The following ANKRD62 variants were observed in gnomAD, a reference collection of about 807,000 sequenced individuals.
ANKRD62 encodes ankyrin repeat domain-containing protein 62.
A neutral mutation model predicts 98.8 loss-of-function variants in ANKRD62; 61 were observed. The observed-to-expected ratio is 0.62, with a 90% confidence interval of 0.50 to 0.76. ANKRD62 has a LOEUF of 0.76. ANKRD62 is among the 30% of genes least tolerant of loss of function. ANKRD62 has a pLI of 0.00. For missense variants in ANKRD62, 933 were observed against 1,082.9 expected (o/e 0.86, Z 1.94); for synonymous variants, 341 against 367.9 (o/e 0.93, Z 0.84).
At position 12,094,073 on chromosome 18, in the gene ANKRD62, G is replaced by A. The variant is rs1909110123; in HGVS notation, c.56G>A (p.Arg19Lys). 2.0e-6 allele frequency: 3 copies of A among 1,535,116 alleles called. No homozygotes were observed. Among genetic ancestry groups the A allele is most frequent in the Admixed American group, 2.0e-5 (1 of 50,930 alleles). The change falls in exon 1 of 14, where the codon AGG becomes AAG. Residue 19 changes from arginine to lysine, a missense_variant. Arg to Lys is a conservative substitution (Grantham distance 26). Transcript: ENST00000587848. The stretch of plus-strand genomic sequence containing the variant: ...TGCAGGAGACGCATGGCTACCTGGA[G>A]GAAGAATCGTGACAAGGATGGCTTC... The part of the protein sequence containing the change: ...AACRRRMATW[R>K]KNRDKDGFSN...
At chr18:12,159,939 TTTAA>T in the ANKRD62 span, among the ~76,000 whole-genome samples, 1 of 152,182 alleles carries the variant, frequency 6.6e-6, no homozygotes, top group African/African-American at 2.4e-5. Context: ...CTCTTTAGGT[TTTAA>T]TTATTTTTAA....
the ANKRD62 span, among the ~76,000 whole-genome samples, chr18:12,151,220 T>C: frequency 6.6e-6 from 1 of 152,232 alleles, no homozygotes; most frequent in African/African-American, 2.4e-5. Flanking sequence ...AAGTGTTGAA[T>C]TCAACAAGAA....
At chr18:12,104,532 C>T (rs550735869) in intron 7 of ANKRD62, among the ~76,000 whole-genome samples, 14 of 152,016 alleles carry the variant, frequency 9.2e-5, no homozygotes, top group African/African-American at 2.7e-4. Flanking sequence ...ATGAGGAAAA[C>T]GTGGATCAAA....
At chr18:12,125,190 T>A (rs1385533542) in intron 12 of ANKRD62, among the ~76,000 whole-genome samples, 1 of 151,982 alleles carries the variant, frequency 6.6e-6, no homozygotes, top group Non-Finnish European at 1.5e-5. Context: ...AGCCTTCTTT[T>A]AAAAAAAATT....
chr18:12,153,767 T>C, the ANKRD62 span, among the ~76,000 whole-genome samples: 5 of 151,734 alleles, frequency 3.3e-5, no homozygotes, highest in Admixed American at 3.3e-4. Context: ...ACATATATAC[T>C]AAGGGAACTG....
chr18:12,137,490 G>A, the ANKRD62 span, among the ~76,000 whole-genome samples: 6 of 152,190 alleles, frequency 3.9e-5, no homozygotes, highest in Non-Finnish European at 7.3e-5. Context: ...GTTCATCAAG[G>A]ATATTGGTCT....
chr18:12,166,674 G>T, the ANKRD62 span, among the ~76,000 whole-genome samples: 4 of 151,870 alleles, frequency 2.6e-5, no homozygotes, highest in African/African-American at 9.7e-5. Context: ...TTTCCTAAAT[G>T]GTCTTGATAC....
chr18:12,139,780 T>C, the ANKRD62 span, among the ~76,000 whole-genome samples: 1 of 152,278 alleles, frequency 6.6e-6, no homozygotes, highest in African/African-American at 2.4e-5. Flanking sequence ...GCCCTTAACA[T>C]TTTTTCCTTC....
intron 1 of ANKRD62, 84 bp from the exon 2 acceptor site, chr18:12,095,087 A>G (rs184749219): frequency 1.0e-6 from 1 of 965,250 alleles, no homozygotes; most frequent in East Asian, 2.6e-5. Context: ...ATAACATACT[A>G]TTGGATGTTT....
the ANKRD62 span, among the ~76,000 whole-genome samples, chr18:12,150,347 G>A: frequency 6.6e-6 from 1 of 152,212 alleles, no homozygotes; most frequent in East Asian, 1.9e-4. Context: ...CCCTGAAAGG[G>A]ACAGAGAGAA....
At chr18:12,139,970 A>C in the ANKRD62 span, among the ~76,000 whole-genome samples, 1 of 152,174 alleles carries the variant, frequency 6.6e-6, no homozygotes, top group Non-Finnish European at 1.5e-5. Flanking sequence ...TCTCCCTGTC[A>C]CTTTCAGGTA....
chr18:12,120,001 G>A (rs1361831213), intron 10 of ANKRD62, among the ~76,000 whole-genome samples: 2 of 151,960 alleles, frequency 1.3e-5, no homozygotes, highest in Non-Finnish European at 2.9e-5. Context: ...GTATTTCTTA[G>A]CATTATTTTT....
At chr18:12,178,539 G>A in the ANKRD62 span, among the ~76,000 whole-genome samples, 13 of 149,416 alleles carry the variant, frequency 8.7e-5, no homozygotes, top group African/African-American at 3.3e-4. Flanking sequence ...GGTAAATGTG[G>A]CCCACAATAT....
intron 9 of ANKRD62, 122 bp downstream of exon 9, chr18:12,115,243 T>C: frequency 7.8e-7 from 1 of 1,287,704 alleles, no homozygotes; most frequent in African/African-American, 1.5e-5. Context: ...TAACCATTCA[T>C]AAAAGCACCC....
chr18:12,132,782 G>T (rs1424027579), downstream of ANKRD62, among the ~76,000 whole-genome samples: 4 of 151,804 alleles, frequency 2.6e-5, no homozygotes, highest in African/African-American at 9.7e-5. Context: ...AATTGATTTG[G>T]GGGAGAAGGT....
At chr18:12,117,663 T>C (rs751468843) in intron 10 of ANKRD62, among the ~76,000 whole-genome samples, 9 of 152,202 alleles carry the variant, frequency 5.9e-5, no homozygotes, top group Non-Finnish European at 1.2e-4. Context: ...GACTTTTTCA[T>C]TTTTACAAAA....
the ANKRD62 span, among the ~76,000 whole-genome samples, chr18:12,150,305 A>G: frequency 6.6e-6 from 1 of 152,230 alleles, no homozygotes; most frequent in Non-Finnish European, 1.5e-5. Flanking sequence ...ATGGGACTAT[A>G]TAAAGAGGCC....
intron 10 of ANKRD62, among the ~76,000 whole-genome samples, chr18:12,118,625 AAAAG>A: frequency 6.9e-6 from 1 of 145,180 alleles, no homozygotes; most frequent in East Asian, 2.0e-4. Context: ...AAAAAAAAAA[AAAAG>A]AAAGAAAGTA....
At chr18:12,107,598 C>G (rs1004359825) in intron 8 of ANKRD62, 131 bp downstream of exon 8, 4 of 655,484 alleles carry the variant, frequency 6.1e-6, no homozygotes, top group Non-Finnish European at 8.8e-6. Context: ...GCCTGGTAAT[C>G]ATAAAATGCA....
Sources: allele counts gnomAD v4.1 joint callset (sites outside exome capture counted in the v4.1 genomes callset), GRCh38; gene constraint gnomAD v4.1.1; transcripts MANE v1.5; gene names NCBI Gene and HGNC (gene_info 2026-07-23, HGNC 2026-07-21).